Variants in RBM43 observed in about 807,000 individuals in gnomAD.
RBM43 encodes the protein RNA-binding protein 43.
RBM43 carries 12 observed loss-of-function variants against 12.4 expected under a neutral mutation model. The ratio of observed to expected loss-of-function variants is 0.97; its 90% CI spans 0.62 to 1.57. The LOEUF is 1.57. Ranked by LOEUF, RBM43 falls within the 40% of genes most tolerant of loss-of-function variation. RBM43 has a pLI of 0.00. For missense variants in RBM43, 348 were observed against 400.1 expected, an observed-to-expected ratio of 0.87 and a Z score of 1.11; for synonymous variants, 138 against 145.7, an observed-to-expected ratio of 0.95 and a Z score of 0.38.
Position 151,250,638 on chromosome 2 carries a change from G to A in RBM43, c.*268C>T. ...AAAAGTTTGGTGAGTTTTTTTCAAA[G>A]TTTTATTCCTTAGATATTATCTGTG... On this transcript the variant is annotated 3_prime_UTR_variant, in exon 4 of 4. Transcript: ENST00000331426. 7.6e-6 allele frequency: 2 copies of A among 264,238 alleles called. No homozygotes were observed. The highest frequency in any genetic ancestry group is 1.4e-5 in the Non-Finnish European group (2 of 143,382). The allele number at this position is 264,238 out of a possible 1,614,324, so 16.4% of individuals were successfully genotyped here.
At chr2:151,256,785 C>T (rs1682981388) in intron 1 of RBM43, among the ~76,000 whole-genome samples, 1 of 152,184 alleles carries the variant, frequency 6.6e-6, no homozygotes, top group Non-Finnish European at 1.5e-5. Flanking sequence ...CACCACTGCA[C>T]TCCAGCCTGG....
rs919570005 is a variant in RBM43, at chr2:151,251,602, T to C, written c.378A>G (p.Glu126=). 6.2e-7 allele frequency: 1 copy of C among 1,613,612 alleles called. No homozygotes were observed. The highest frequency in any genetic ancestry group is 1.3e-5 in the African/African-American group (1 of 74,962). ...LSVFGKEVTL[E]TLVKDLKKKI... ...TTTTTTTCAGGTCTTTTACCAGAGT[T>C]TCTAGAGTAACTTCTTTTCCAAAAA... is the stretch of plus-strand genomic sequence containing the variant. Residue 126 remains glutamate, a synonymous_variant, in exon 4 of 4, where the codon GAA becomes GAG. Coordinates refer to ENST00000331426, the MANE Select transcript of RBM43 (RefSeq NM_198557.3).
chr2:151,260,947 T>C, intron 1 of RBM43: 1 of 315,554 alleles, frequency 3.2e-6, no homozygotes, highest in East Asian at 7.6e-5. Context: ...CTTTTGTAAG[T>C]AAGGCATTGG....
At chr2:151,259,390 A>G (rs967614397) in intron 1 of RBM43, among the ~76,000 whole-genome samples, 1 of 152,156 alleles carries the variant, frequency 6.6e-6, no homozygotes, top group Non-Finnish European at 1.5e-5. Flanking sequence ...TCACGGCTGT[A>G]ATCCCAACAC....
At chr2:151,259,738 A>G (rs911595023) in intron 1 of RBM43, among the ~76,000 whole-genome samples, 2 of 152,250 alleles carry the variant, frequency 1.3e-5, no homozygotes, top group Admixed American at 6.5e-5. Context: ...GGGCCATCAT[A>G]TCAGAAAGCA....
At chr2:151,257,634 G>C (rs569392391) in intron 1 of RBM43, among the ~76,000 whole-genome samples, 4 of 152,014 alleles carry the variant, frequency 2.6e-5, no homozygotes, top group Non-Finnish European at 5.9e-5. Flanking sequence ...CGGAGGTTGG[G>C]GTGAGCCGAG....
Position 151,255,543 on chromosome 2 carries a change from T to C in RBM43, c.204A>G (p.Lys68=), listed in dbSNP as rs1682961213. 6.3e-7 allele frequency: 1 copy of C among 1,598,776 alleles called. No homozygotes were observed. The highest frequency in any genetic ancestry group is 8.5e-7 in the Non-Finnish European group (1 of 1,171,706). Reference sequence around the variant, plus strand: ...TTGACTTGGAAATACCTTTTTTTTCTTTGAATATTACATATGCAACTCCCT... The same window carrying C: ...TTGACTTGGAAATACCTTTTTTTTCCTTGAATATTACATATGCAACTCCCT... ...RTKGVAYVIF[K]EKKVAENVIR... Residue 68 remains lysine (K), a synonymous_variant, in exon 2 of 4, where the codon AAA becomes AAG. Transcript: ENST00000331426.
intron 1 of RBM43, among the ~76,000 whole-genome samples, chr2:151,260,055 G>T (rs1369247748): frequency 6.6e-6 from 1 of 151,676 alleles, no homozygotes; most frequent in East Asian, 1.9e-4. Flanking sequence ...TAGTAGAGAT[G>T]GGGTTTCACC....
At chr2:151,251,925 T>C (rs1440701874) in intron 3 of RBM43, among the ~76,000 whole-genome samples, 1 of 152,182 alleles carries the variant, frequency 6.6e-6, no homozygotes, top group Non-Finnish European at 1.5e-5. Context: ...AATTCTTTTT[T>C]GAAACAGTTT....
Position 151,250,909 on chromosome 2 carries a change from A to G in RBM43, c.1071T>C (p.Ser357=), listed in dbSNP as rs754564108. The change falls in exon 4 of 4, where the codon AGT becomes AGC. Residue 357 remains serine (S), a synonymous_variant. Coordinates refer to ENST00000331426, the MANE Select transcript of RBM43 (RefSeq NM_198557.3). ...GVMKLIGQKV[S] ...TGACTATATTGCTGAGATTTTATTA[A>G]CTAACCTTTTGCCCTATTAATTTCA... 1 of 1,584,738 alleles carries G rather than the reference A, an allele frequency of 6.3e-7. No homozygotes were observed. Among genetic ancestry groups the G allele is most frequent in the South Asian group, 1.2e-5 (1 of 86,594 alleles).
intron 1 of RBM43, chr2:151,261,232 T>C: frequency 1.3e-6 from 2 of 1,539,520 alleles, no homozygotes; most frequent in Non-Finnish European, 1.8e-6. Context: ...GAGGATGTCT[T>C]CCTGACTTGC....
chr2:151,259,922 G>C (rs1002064929), intron 1 of RBM43, among the ~76,000 whole-genome samples: 9 of 151,836 alleles, frequency 5.9e-5, no homozygotes, highest in Admixed American at 4.6e-4. Flanking sequence ...CTGGAGTGCA[G>C]TGGCGCGATC....
chr2:151,251,209 G>T lies in RBM43; in HGVS notation c.771C>A (p.Thr257=). 1 of 1,613,776 alleles carries T rather than the reference G, an allele frequency of 6.2e-7. No homozygotes were observed. Among genetic ancestry groups the T allele is most frequent in the South Asian group, 1.1e-5 (1 of 91,076 alleles). The change falls in exon 4 of 4, where the codon ACC becomes ACA. Residue 257 remains threonine (T), a synonymous_variant. Transcript: ENST00000331426. ...LSQEKVDGEI[T]TICLKSIQVG... is the part of the protein sequence containing the mutation. ...CTTGAATGCTTTTTAGACAAATTGT[G>T]GTGATTTCACCATCCACTTTCTCCT...
At position 151,249,493 on chromosome 2, in the gene RBM43, T is replaced by G. The variant is rs7589060; in HGVS notation, c.*1413A>C. The G allele has an allele frequency of 0.054, 8,125 of 150,848 alleles. 601 individuals are homozygous for G. Among genetic ancestry groups the G allele is most frequent in the African/African-American group, 0.16 (6,714 of 40,944 alleles). The allele number at this position is 150,848 out of a possible 1,614,324, so 9.3% of individuals were successfully genotyped here. On this transcript the variant is annotated 3_prime_UTR_variant, in exon 4 of 4. Transcript: ENST00000331426. ...CCCGGGTTCACGCCATTCTCCTGCC[T>G]CAGCCTCTAGCCTCCCGAGTAGGTG...
chr2:151,257,316 A>T (rs867196349), intron 1 of RBM43, among the ~76,000 whole-genome samples: 1,759 of 151,136 alleles, frequency 0.012, 38 homozygotes, highest in African/African-American at 0.039. Flanking sequence ...GCACAAACAC[A>T]CACACACACA....
intron 3 of RBM43, among the ~76,000 whole-genome samples, chr2:151,252,252 G>A (rs1682912037): frequency 6.6e-6 from 1 of 152,174 alleles, no homozygotes; most frequent in Non-Finnish European, 1.5e-5. Context: ...GCTGGGCGTG[G>A]TGGCTCACCC....
chr2:151,255,724 T>C lies in RBM43; in HGVS notation c.23A>G (p.Lys8Arg), dbSNP rs773529645. The change falls in exon 2 of 4, where the codon AAG becomes AGG. Residue 8 changes from lysine (K) to arginine (R), a missense_variant. Coordinates refer to ENST00000331426, the MANE Select transcript of RBM43 (RefSeq NM_198557.3). ...CGTTCTTTCAGGAGCTTTGGATTCC[T>C]TGACATTCAAAACTGATGCCTGTAA... MASVLNV[K>R]ESKAPERTVV... The C allele has an allele frequency of 6.2e-7, 1 of 1,613,448 alleles. No individual in the cohort carries two copies. Among genetic ancestry groups the C allele is most frequent in the East Asian group, 2.2e-5 (1 of 44,848 alleles).
At position 151,249,166 on chromosome 2, in the gene RBM43, G is replaced by A. The variant is rs956693490; in HGVS notation, c.*1740C>T. The A allele has an allele frequency of 6.6e-6, 1 of 152,068 alleles. No homozygotes were observed. Among genetic ancestry groups the A allele is most frequent in the African/African-American group, 2.4e-5 (1 of 41,390 alleles). The allele number at this position is 152,068 out of a possible 1,614,324, so 9.4% of individuals were successfully genotyped here. A position where few individuals can be genotyped will look rare whatever the true frequency, so the allele number is the denominator to read the frequency against. On this transcript the variant is annotated 3_prime_UTR_variant, in exon 4 of 4. Coordinates refer to ENST00000331426, the MANE Select transcript of RBM43 (RefSeq NM_198557.3). Reference sequence around the variant, plus strand: ...GGTACCTCATGCCATAACTCCAAAGGCCAATGATTCTCCATGAGGTGAGTC... The same window carrying A: ...GGTACCTCATGCCATAACTCCAAAGACCAATGATTCTCCATGAGGTGAGTC...
Position 151,251,465 on chromosome 2 carries a change from G to C in RBM43, c.515C>G (p.Ser172Cys). 1 of 1,614,086 alleles carries C rather than the reference G, an allele frequency of 6.2e-7. No homozygotes were observed. Among genetic ancestry groups the C allele is most frequent in the East Asian group, 2.2e-5 (1 of 44,882 alleles). Residue 172 changes from serine to cysteine, a missense_variant, in exon 4 of 4, where the codon TCT becomes TGT. Coordinates refer to ENST00000331426, the MANE Select transcript of RBM43 (RefSeq NM_198557.3). ...LRESLLARACSLLEKDRNFTS... is the reference protein window; with the variant it reads ...LRESLLARACCLLEKDRNFTS... ...AAAATTTCTGTCTTTTTCTAAGAGA[G>C]AACATGCTCTTGCTAGCAAAGATTC... is the stretch of plus-strand genomic sequence containing the variant.
Sources: gnomAD v4.1 joint callset for allele counts (sites outside exome capture counted in the v4.1 genomes callset) on GRCh38, gnomAD v4.1.1 for gene constraint, MANE v1.5 for transcripts, NCBI Gene and HGNC (gene_info 2026-07-23, HGNC 2026-07-21) for gene names.